The following GTF2H1 variants were observed in gnomAD, a reference collection of about 807,000 sequenced individuals.
GTF2H1 encodes the protein general transcription factor IIH subunit 1.
A neutral mutation model predicts 71.2 loss-of-function variants in GTF2H1; 16 were observed. The observed-to-expected ratio is 0.22, with a 90% CI of 0.15 to 0.34. GTF2H1 has a LOEUF of 0.34. Ranked by LOEUF, GTF2H1 falls within the 10% of genes least tolerant of loss-of-function variation. The pLI, the probability that GTF2H1 is intolerant of heterozygous loss-of-function variation, is 1.00. For synonymous variants in GTF2H1, 215 were observed against 219.0 expected (o/e 0.98, Z 0.16); for missense variants, 498 against 648.2 (o/e 0.77, Z 2.52).
chr11:18,357,681 A>AG (rs1865589407), intron 11 of GTF2H1, among the ~76,000 whole-genome samples: 1 of 152,218 alleles, frequency 6.6e-6, no homozygotes, highest in Non-Finnish European at 1.5e-5. Context: ...TACTTAAGAA[A>AG]GGGCTTTAAC....
Position 18,328,537 on chromosome 11 carries a change from G to C in GTF2H1, c.-15-4523G>C, listed in dbSNP as rs533147749. ...CAAAAAAAAAAAAAAAAATTTTATG[G>C]AATCATGCCAGGCATGGTGGCTCAC... On this transcript the variant is annotated intron_variant, in intron 1 of 14. Coordinates refer to ENST00000265963, the MANE Select transcript of GTF2H1 (RefSeq NM_005316.4). Among the ~76,000 whole-genome samples the C allele has an allele frequency of 1.1e-4, 15 of 140,198 alleles. No homozygotes were observed. In the South Asian group the frequency reaches 3.0e-3, roughly 28 times the overall value. The allele number at this position is 140,198 out of a possible 152,430, so 92.0% of individuals were successfully genotyped here.
In GTF2H1 at chr11:18,336,419, C is replaced by T. The variant is rs182769482; in HGVS notation, c.347+473C>T. On this transcript the variant is annotated intron_variant, in intron 3 of 14. Coordinates refer to ENST00000265963, the MANE Select transcript of GTF2H1 (RefSeq NM_005316.4). ...CTGGGATTACAGGTATGAGCCACCA[C>T]GCCCGGCCACCTATCCTCACTTTTG... 1.9e-3 allele frequency among the ~76,000 whole-genome samples: 288 copies of T among 152,196 alleles called. 3 individuals are homozygous for T. Among genetic ancestry groups the T allele is most frequent in the South Asian group, 0.014 (69 of 4,822 alleles).
intron 9 of GTF2H1, among the ~76,000 whole-genome samples, chr11:18,350,209 GCAGA>G (rs1309440329): frequency 3.9e-5 from 6 of 152,142 alleles, no homozygotes; most frequent in Non-Finnish European, 8.8e-5. Context: ...AGAATTAATA[GCAGA>G]CAGAGTCCCT....
chr11:18,363,479 C>T (rs1187636458), intron 14 of GTF2H1, among the ~76,000 whole-genome samples: 1 of 151,810 alleles, frequency 6.6e-6, no homozygotes. Flanking sequence ...CTGATGGGAC[C>T]GCCATCATAT....
chr11:18,341,498 G>C, intron 6 of GTF2H1, 30 bp from the exon 7 acceptor site: 2 of 1,605,158 alleles, frequency 1.2e-6, no homozygotes, highest in Non-Finnish European at 1.7e-6. Flanking sequence ...GATAAGACAT[G>C]CTGAACTTTT....
At chr11:18,337,996 A>G (rs1865072628) in intron 3 of GTF2H1, 113 bp from the exon 4 acceptor site, 2 of 676,466 alleles carry the variant, frequency 3.0e-6, no homozygotes, top group Non-Finnish European at 5.0e-6. Flanking sequence ...CAAACATCAC[A>G]AAATAAAAGT....
chr11:18,338,234 C>A lies in GTF2H1; in HGVS notation c.473C>A (p.Ser158Tyr). 3 of 1,610,192 alleles carry A rather than the reference C, an allele frequency of 1.9e-6. No homozygotes were observed. Among genetic ancestry groups the A allele is most frequent in the Non-Finnish European group, 2.6e-6 (3 of 1,176,426 alleles). The change falls in exon 4 of 15, where the codon TCC (serine) becomes TAC (tyrosine). Residue 158 changes from serine to tyrosine, a missense_variant. Physicochemically the swap from Ser to Tyr is moderately radical, Grantham distance 144 (BLOSUM62 -2). Transcript: ENST00000265963. ...AATGCAACAGATAGTTCTTCCACAT[C>A]CAATCATAAGCAGGATGTTGGCATT... The part of the protein sequence containing the change: ...NVNATDSSST[S>Y]NHKQDVGISA...
intron 2 of GTF2H1, 188 bp downstream of exon 2, chr11:18,333,416 G>C (rs2133958181): frequency 4.7e-6 from 2 of 423,888 alleles, no homozygotes; most frequent in South Asian, 9.1e-5. Context: ...ACAGGTACAG[G>C]TTTACATATA....
At chr11:18,326,637 G>A (rs1010944247) in intron 1 of GTF2H1, among the ~76,000 whole-genome samples, 12 of 152,010 alleles carry the variant, frequency 7.9e-5, no homozygotes, top group African/African-American at 2.4e-4. Context: ...ACTCATAAAG[G>A]TCTTTGTATT....
chr11:18,352,995 G>T (rs1865461786), intron 11 of GTF2H1, among the ~76,000 whole-genome samples: 1 of 152,262 alleles, frequency 6.6e-6, no homozygotes, highest in South Asian at 2.1e-4. Context: ...GGAGGCCGAG[G>T]TGGGTGGATC....
intron 11 of GTF2H1, among the ~76,000 whole-genome samples, chr11:18,357,551 T>C (rs974204284): frequency 2.0e-5 from 3 of 152,160 alleles, no homozygotes; most frequent in Non-Finnish European, 2.9e-5. Flanking sequence ...ATTTTGTTTC[T>C]TAGAAAAATA....
intron 9 of GTF2H1, 96 bp downstream of exon 9, chr11:18,348,015 GTTC>G: frequency 1.2e-6 from 1 of 815,462 alleles, no homozygotes; most frequent in South Asian, 1.4e-5. Context: ...CTGTGACTCA[GTTC>G]TTCTAACTAA....
Position 18,341,406 on chromosome 11 carries a change from A to G in GTF2H1, c.753A>G (p.Glu251=), listed in dbSNP as rs764563264. The part of the protein sequence containing the change: ...DLFAECAKID[E]KGLKTMVSLG... ...TTGCAGAATGTGCCAAAATAGATGA[A>G]AAAGGTAACTGTTTATCTCTGATAG... The change falls in exon 6 of 15, where the codon GAA becomes GAG. Residue 251 remains glutamate, a synonymous_variant. Coordinates refer to ENST00000265963, the MANE Select transcript of GTF2H1 (RefSeq NM_005316.4). 36 of 1,613,828 alleles carry G rather than the reference A, an allele frequency of 2.2e-5. No individual in the cohort carries two copies. Among genetic ancestry groups the G allele is most frequent in the Admixed American group, 5.0e-5 (3 of 59,976 alleles).
rs372254821 is a variant in GTF2H1, at chr11:18,365,070, T to TAAA, written c.1561-713_1561-712insAAA. 9.9e-5 allele frequency among the ~76,000 whole-genome samples: 11 copies of TAAA among 111,512 alleles called. 3 individuals carry two copies. The highest frequency in any genetic ancestry group is 2.0e-4 in the Admixed American group (2 of 10,022). 73.2% of individuals were successfully genotyped at this position (111,512 alleles called of 152,430 possible). On this transcript the variant is annotated intron_variant, in intron 14 of 14. Coordinates refer to ENST00000265963, the MANE Select transcript of GTF2H1 (RefSeq NM_005316.4). ...CATAGCAAGAGTCCATCTCCACTAT[T>TAAA]TAAAAAAGAAAAAAAAAAAAAACCT...
chr11:18,338,388 A>G (rs1449131312), intron 4 of GTF2H1, 114 bp downstream of exon 4: 1 of 666,634 alleles, frequency 1.5e-6, no homozygotes, highest in East Asian at 2.6e-5. Context: ...AAGTAATGGA[A>G]AATTGAGTAT....
intron 1 of GTF2H1, among the ~76,000 whole-genome samples, chr11:18,329,425 A>G (rs1354972680): frequency 6.6e-6 from 1 of 152,244 alleles, no homozygotes; most frequent in Non-Finnish European, 1.5e-5. Flanking sequence ...TGGGCAAGCA[A>G]CCATGACGCT....
At chr11:18,351,835 A>T (rs756665873) in intron 9 of GTF2H1, 46 bp from the exon 10 acceptor site, 21 of 1,014,332 alleles carry the variant, frequency 2.1e-5, no homozygotes, top group Non-Finnish European at 3.0e-5. Flanking sequence ...TTATTGTGTA[A>T]GAGAAAGTTG....
chr11:18,338,562 G>A (rs527280640), intron 4 of GTF2H1, among the ~76,000 whole-genome samples: 1 of 152,234 alleles, frequency 6.6e-6, no homozygotes, highest in South Asian at 2.1e-4. Flanking sequence ...TCCTGCTTCA[G>A]CCTCTCAAGT....
chr11:18,329,454 A>G (rs778282750), intron 1 of GTF2H1, among the ~76,000 whole-genome samples: 3 of 152,188 alleles, frequency 2.0e-5, no homozygotes, highest in Non-Finnish European at 4.4e-5. Context: ...CACTTTAACA[A>G]TGTCTGTTCA....
Sources: allele counts gnomAD v4.1 joint callset (sites outside exome capture counted in the v4.1 genomes callset), GRCh38; gene constraint gnomAD v4.1.1; transcripts MANE v1.5; gene names NCBI Gene and HGNC (gene_info 2026-07-23, HGNC 2026-07-21).